CASP9: variants seen among roughly 807,000 people sequenced by gnomAD.
CASP9 encodes caspase-9.
In CASP9, 29 loss-of-function variants were observed where a neutral mutation model predicts 43.5. The observed-to-expected ratio is 0.67, with a 90% CI of 0.50 to 0.91. The LOEUF (loss-of-function observed/expected upper bound fraction) is 0.91. Among genes scored for constraint, CASP9 ranks in the 40% least tolerant of loss-of-function variants. CASP9 has a pLI of 0.00. For synonymous variants in CASP9, 206 were observed against 211.9 expected (o/e 0.97, Z 0.24); for missense variants, 575 against 537.4 (o/e 1.07, Z -0.69).
At chr1:15,504,572 C>G (rs762341845) in intron 6 of CASP9, 39 bp downstream of exon 6, 4 of 1,586,574 alleles carry the variant, frequency 2.5e-6, no homozygotes, top group Non-Finnish European at 3.4e-6. Context: ...GCTCCCTCCC[C>G]ACCAGACCCA....
chr1:15,516,480 TTAAAA>T (rs1027295432), intron 2 of CASP9, among the ~76,000 whole-genome samples: 2 of 46,880 alleles, frequency 4.3e-5, no homozygotes, highest in Non-Finnish European at 1.0e-4. Flanking sequence ...CTTGCCTCAA[TTAAAA>T]AAAAAAAAAA....
intron 3 of CASP9, chr1:15,507,633 T>C (rs2103352708): frequency 1.8e-6 from 1 of 543,170 alleles, no homozygotes; most frequent in Admixed American, 3.3e-5. Context: ...TCCCGATGAC[T>C]GCCCCTCATC....
At chr1:15,508,616 T>C (rs899826575) in intron 2 of CASP9, among the ~76,000 whole-genome samples, 1 of 152,138 alleles carries the variant, frequency 6.6e-6, no homozygotes, top group Admixed American at 6.6e-5. Context: ...GGTTTCACCA[T>C]GTTGGCCAGG....
At position 15,495,369 on chromosome 1, in the gene CASP9, G is replaced by A. The variant is rs1709067338; in HGVS notation, c.952C>T (p.Pro318Ser). The change falls in exon 7 of 9, where the codon CCG becomes TCG. Residue 318 changes from proline (P) to serine (S), a missense_variant. Physicochemically the swap from Pro to Ser is moderately conservative, Grantham distance 74. Coordinates refer to ENST00000333868, the MANE Select transcript of CASP9 (RefSeq NM_001229.5). ...PGSNPEPDAT[P>S]FQEGLRTFDQ... ...AAGGTCCTCAAACCTTCCTGGAACG[G>A]GGTGGCATCTGGCTCGGGGTTACTG... 8.1e-6 allele frequency: 13 copies of A among 1,609,550 alleles called. No individual in the cohort carries two copies. The highest frequency in any genetic ancestry group is 5.1e-6 in the Non-Finnish European group (6 of 1,178,440).
At chr1:15,522,965 TACTC>T (rs1710267027) in intron 1 of CASP9, among the ~76,000 whole-genome samples, 1 of 152,238 alleles carries the variant, frequency 6.6e-6, no homozygotes, top group African/African-American at 2.4e-5. Flanking sequence ...ACTCATATGA[TACTC>T]AATTATTTAA....
At position 15,501,996 on chromosome 1, in the gene CASP9, C is replaced by T. The variant is rs1270974704; in HGVS notation, c.868+2615G>A. On this transcript the variant is annotated intron_variant, in intron 6 of 8. Transcript: ENST00000333868. ...AACTCCTCGTCTCAAGAGATCCTCCCACCTTGGCCTCCCAAACTGTTGGGA... is the reference window on the plus strand; with the variant it reads ...AACTCCTCGTCTCAAGAGATCCTCCTACCTTGGCCTCCCAAACTGTTGGGA... 3.3e-5 allele frequency among the ~76,000 whole-genome samples: 5 copies of T among 152,162 alleles called. No homozygotes were observed. In the East Asian group the frequency reaches 5.8e-4, roughly 18 times the overall value.
intron 6 of CASP9, among the ~76,000 whole-genome samples, chr1:15,498,318 A>C (rs1709191076): frequency 6.6e-6 from 1 of 151,724 alleles, no homozygotes. Context: ...GGCTCAAGCA[A>C]TCTGCCTGCC....
At chr1:15,517,505 C>T (rs1197323054) in intron 2 of CASP9, among the ~76,000 whole-genome samples, 1 of 152,030 alleles carries the variant, frequency 6.6e-6, no homozygotes, top group Non-Finnish European at 1.5e-5. Flanking sequence ...GTGTTAGTTA[C>T]CTGTGGGTAT....
At chr1:15,507,238 G>C in intron 3 of CASP9, 163 bp from the exon 4 acceptor site, 3 of 670,124 alleles carry the variant, frequency 4.5e-6, no homozygotes, top group Non-Finnish European at 7.5e-6. Flanking sequence ...GGGAAGACTA[G>C]CACTAGAAGG....
intron 6 of CASP9, among the ~76,000 whole-genome samples, chr1:15,500,290 G>C (rs769849719): frequency 6.6e-6 from 1 of 152,134 alleles, no homozygotes; most frequent in Admixed American, 6.5e-5. Flanking sequence ...CAGGGAGAAC[G>C]GTCCTGGTGA....
chr1:15,523,983 G>T (rs537750551), intron 1 of CASP9, 86 bp downstream of exon 1: 9 of 1,045,368 alleles, frequency 8.6e-6, no homozygotes, highest in Non-Finnish European at 1.1e-5. Context: ...TGAAGCCACA[G>T]GGAAGGCTAG....
chr1:15,506,059 C>T lies in CASP9; in HGVS notation c.651G>A (p.Leu217=), dbSNP rs774604571. ...LTAKKMVLAL[L]ELAQQDHGAL... The stretch of plus-strand genomic sequence containing the variant: ...CACCGTGGTCCTGCTGCGCCAGCTC[C>T]AGCAAAGCCAGCACCATTTTCTACA... The change falls in exon 5 of 9, where the codon CTG becomes CTA. Residue 217 remains leucine, a synonymous_variant. Coordinates refer to ENST00000333868, the MANE Select transcript of CASP9 (RefSeq NM_001229.5). The T allele has an allele frequency of 6.2e-7, 1 of 1,613,804 alleles. No individual in the cohort carries two copies. Among genetic ancestry groups the T allele is most frequent in the East Asian group, 2.2e-5 (1 of 44,870 alleles).
At chr1:15,506,294 CAAA>C (rs35997775) in intron 4 of CASP9, among the ~76,000 whole-genome samples, 2 of 148,644 alleles carry the variant, frequency 1.3e-5, no homozygotes, top group African/African-American at 2.5e-5. Context: ...ACTAAAAATA[CAAA>C]AAAAAAAATT....
At position 15,507,007 on chromosome 1, in the gene CASP9, C is replaced by T; in HGVS notation, c.522G>A (p.Glu174=). ...AGCCAGTGCGGGTGCGGAGCCCGGA[C>T]TCACGGCAGAAGTTCACATTGTTGA... is the stretch of plus-strand genomic sequence containing the variant. ...LIINNVNFCR[E]SGLRTRTGSN... The change falls in exon 4 of 9, where the codon GAG becomes GAA. Residue 174 remains glutamate (E), a synonymous_variant. Coordinates refer to ENST00000333868, the MANE Select transcript of CASP9 (RefSeq NM_001229.5). 3 of 1,614,240 alleles carry T rather than the reference C, an allele frequency of 1.9e-6. No homozygotes were observed. The highest frequency in any genetic ancestry group is 1.7e-6 in the Non-Finnish European group (2 of 1,180,038).
At chr1:15,508,140 G>A (rs1373363915) in intron 2 of CASP9, among the ~76,000 whole-genome samples, 1 of 152,212 alleles carries the variant, frequency 6.6e-6, no homozygotes, top group Non-Finnish European at 1.5e-5. Flanking sequence ...AGCAAGGAGT[G>A]CAAACGGGCA....
At chr1:15,521,558 G>GACA (rs1422861325) in intron 1 of CASP9, among the ~76,000 whole-genome samples, 1 of 152,224 alleles carries the variant, frequency 6.6e-6, no homozygotes, top group African/African-American at 2.4e-5. Flanking sequence ...AGAAAACGCT[G>GACA]ACATATGCTG....
chr1:15,495,270 C>T lies in CASP9; in HGVS notation c.1048+3G>A, dbSNP rs781693013. ...CGAGGACGAGCCCTTCTGATGTGCT[C>T]ACCTGGGAAAGTAGAGTAGGACACA... is the stretch of plus-strand genomic sequence containing the variant. On this transcript the variant is annotated splice_donor_region_variant and intron_variant, in intron 7 of 8. Coordinates refer to ENST00000333868, the MANE Select transcript of CASP9 (RefSeq NM_001229.5). The T allele has an allele frequency of 1.2e-6, 2 of 1,609,358 alleles. No homozygotes were observed. Among genetic ancestry groups the T allele is most frequent in the South Asian group, 1.1e-5 (1 of 90,054 alleles).
chr1:15,503,246 C>T (rs1338736892), intron 6 of CASP9, among the ~76,000 whole-genome samples: 2 of 152,064 alleles, frequency 1.3e-5, no homozygotes, highest in Non-Finnish European at 2.9e-5. Flanking sequence ...GAAAAATTAG[C>T]TGGGCATGGT....
In CASP9 at chr1:15,493,960, C is replaced by T. The variant is rs1334055901; in HGVS notation, c.1090G>A (p.Val364Ile). 13 of 1,603,704 alleles carry T rather than the reference C, an allele frequency of 8.1e-6. No homozygotes were observed. Among genetic ancestry groups the T allele is most frequent in the Middle Eastern group, 1.6e-4 (1 of 6,074 alleles). Residue 364 changes from valine (V) to isoleucine (I), a missense_variant, in exon 8 of 9, where the codon GTT becomes ATT. Physicochemically the swap from Val to Ile is conservative, Grantham distance 29 (BLOSUM62 3). Transcript: ENST00000333868. The stretch of plus-strand genomic sequence containing the variant: ...TCAAAGATGTCGTCCAGGGTCTCAA[C>T]GTACCAGGAGCCACTCTTGGGGTCC... Reference protein sequence around the residue: ...WRDPKSGSWYVETLDDIFEQW... With the variant: ...WRDPKSGSWYIETLDDIFEQW...
Sources: gnomAD v4.1 joint callset for allele counts (sites outside exome capture counted in the v4.1 genomes callset) on GRCh38, gnomAD v4.1.1 for gene constraint, MANE v1.5 for transcripts, NCBI Gene and HGNC (gene_info 2026-07-23, HGNC 2026-07-21) for gene names.